NINJ2: variants seen among roughly 807,000 people sequenced by gnomAD.
NINJ2 encodes the protein ninjurin 2.
NINJ2 carries 12 observed loss-of-function variants against 11.7 expected under a neutral mutation model. That is an observed-to-expected ratio of 1.02 (90% confidence interval 0.66 to 1.66). The LOEUF (loss-of-function observed/expected upper bound fraction) is 1.66. Ranked by LOEUF, NINJ2 falls within the 40% of genes most tolerant of loss-of-function variation. NINJ2 has a pLI of 0.00. For synonymous variants in NINJ2, 93 were observed against 76.8 expected, an observed-to-expected ratio of 1.21 and a Z score of -1.10; for missense variants, 187 against 181.8, an observed-to-expected ratio of 1.03 and a Z score of -0.16.
At chr12:572,032 C>T (rs1164634841) in intron 1 of NINJ2, among the ~76,000 whole-genome samples, 2 of 152,228 alleles carry the variant, frequency 1.3e-5, no homozygotes, top group Non-Finnish European at 1.5e-5. Flanking sequence ...ACCAAAGGCA[C>T]CTTGACCACA....
chr12:593,852 A>G (rs542000420), intron 1 of NINJ2, among the ~76,000 whole-genome samples: 40 of 152,286 alleles, frequency 2.6e-4, no homozygotes, highest in African/African-American at 8.4e-4. Context: ...AGCATCACCA[A>G]CTTATCAGGG....
intron 1 of NINJ2, among the ~76,000 whole-genome samples, chr12:622,715 C>T (rs1421515472): frequency 1.3e-5 from 2 of 152,058 alleles, no homozygotes; most frequent in South Asian, 4.2e-4. Context: ...CAGACCCTTT[C>T]AGAATCTGAT....
intron 1 of NINJ2, among the ~76,000 whole-genome samples, chr12:604,409 G>A (rs895652485): frequency 2.0e-5 from 3 of 152,000 alleles, no homozygotes; most frequent in East Asian, 1.9e-4. Context: ...AGGCTGAGGC[G>A]GGCGGATCAC....
intron 1 of NINJ2, among the ~76,000 whole-genome samples, chr12:579,006 C>A (rs1358953376): frequency 1.3e-5 from 2 of 152,158 alleles, no homozygotes; most frequent in African/African-American, 4.8e-5. Flanking sequence ...AGACAGGAAA[C>A]CTAAACACGG....
intron 1 of NINJ2, among the ~76,000 whole-genome samples, chr12:635,927 A>T (rs1199996730): frequency 1.3e-5 from 2 of 152,108 alleles, no homozygotes; most frequent in Non-Finnish European, 1.5e-5. Context: ...ACACAAAAAA[A>T]TTAGCCGAGC....
intron 1 of NINJ2, among the ~76,000 whole-genome samples, chr12:600,265 G>T (rs1426803590): frequency 1.3e-5 from 2 of 152,116 alleles, no homozygotes; most frequent in African/African-American, 4.8e-5. Flanking sequence ...TTTACAAAAT[G>T]GGTGGGGGCC....
At chr12:601,939 A>G (rs1947880032) in intron 1 of NINJ2, among the ~76,000 whole-genome samples, 2 of 152,234 alleles carry the variant, frequency 1.3e-5, no homozygotes, top group South Asian at 4.1e-4. Flanking sequence ...AGTCTGACCC[A>G]GTTTATTATC....
intron 1 of NINJ2, among the ~76,000 whole-genome samples, chr12:620,353 G>A (rs1056865926): frequency 6.8e-6 from 1 of 147,674 alleles, no homozygotes. Context: ...CCCGCTTTGC[G>A]GGAAGGGGAG....
chr12:639,309 A>G (rs1445367310), intron 1 of NINJ2, among the ~76,000 whole-genome samples: 2 of 152,164 alleles, frequency 1.3e-5, no homozygotes, highest in African/African-American at 2.4e-5. Context: ...AGTGCTTTAC[A>G]TGAATTAACT....
intron 1 of NINJ2, among the ~76,000 whole-genome samples, chr12:605,611 C>G (rs1947932544): frequency 6.6e-6 from 1 of 152,200 alleles, no homozygotes. Context: ...ACACTGACAT[C>G]TGGAGTCCAC....
intron 1 of NINJ2, among the ~76,000 whole-genome samples, chr12:656,100 C>T (rs1011532182): frequency 8.6e-5 from 13 of 152,006 alleles, no homozygotes; most frequent in African/African-American, 1.4e-4. Flanking sequence ...CGTAGTGGCT[C>T]GCGCCTGTAA....
At chr12:659,089 ATG>A (rs1158422231) in intron 1 of NINJ2, among the ~76,000 whole-genome samples, 4 of 145,610 alleles carry the variant, frequency 2.7e-5, no homozygotes, top group Non-Finnish European at 3.0e-5. Flanking sequence ...ATATATATAT[ATG>A]TCTTTAAAAA....
rs778332084 is a variant in NINJ2, at chr12:585,173, C to T, written c.34-18995G>A. 4.6e-5 allele frequency among the ~76,000 whole-genome samples: 7 copies of T among 152,240 alleles called. No homozygotes were observed. The highest frequency in any genetic ancestry group is 7.3e-5 in the Non-Finnish European group (5 of 68,046). On this transcript the variant is annotated intron_variant, in intron 1 of 3. Coordinates refer to ENST00000305108, the MANE Select transcript of NINJ2 (RefSeq NM_016533.6). The surrounding 1 kb of genome is among the most constrained non-coding windows in gnomAD (Gnocchi z 4.1). ...CTTTTCGCTAAGGCTGCATTTCCACCGCCATGAAATGGAGGCTGTCTCTGC... is the reference window on the plus strand; with the variant it reads ...CTTTTCGCTAAGGCTGCATTTCCACTGCCATGAAATGGAGGCTGTCTCTGC...
At chr12:611,044 A>G (rs553385971) in intron 1 of NINJ2, among the ~76,000 whole-genome samples, 3 of 152,152 alleles carry the variant, frequency 2.0e-5, no homozygotes, top group African/African-American at 4.8e-5. Context: ...CTGGACATCT[A>G]TTCTTTAAAG....
chr12:589,839 AG>A (rs1415969219), intron 1 of NINJ2, among the ~76,000 whole-genome samples: 1 of 149,314 alleles, frequency 6.7e-6, no homozygotes, highest in South Asian at 2.2e-4. Context: ...TGGTAAATTT[AG>A]GGGGGGATTG....
intron 1 of NINJ2, among the ~76,000 whole-genome samples, chr12:598,285 G>C (rs536848915): frequency 6.6e-6 from 1 of 152,348 alleles, no homozygotes; most frequent in East Asian, 1.9e-4. Flanking sequence ...GGGCACCGAG[G>C]GGGTAAGTGC....
In NINJ2 at chr12:580,840, ATG is replaced by A. The variant is rs1947540023; in HGVS notation, c.34-14664_34-14663del. On this transcript the variant is annotated intron_variant, in intron 1 of 3. Coordinates refer to ENST00000305108, the MANE Select transcript of NINJ2 (RefSeq NM_016533.6). The surrounding 1 kb of genome is among the most constrained non-coding windows in gnomAD (Gnocchi z 4.7). ...TATGCGTGTGTGTCTGTGTGTATGC[ATG>A]TGTGTCTGTGTGTGCATGAGTGTCT... is the stretch of plus-strand genomic sequence containing the variant. Among the ~76,000 whole-genome samples, 1 of 147,408 alleles carries A rather than the reference ATG, an allele frequency of 6.8e-6. No individual in the cohort carries two copies. Among genetic ancestry groups the A allele is most frequent in the African/African-American group, 2.5e-5 (1 of 39,472 alleles).
intron 1 of NINJ2, among the ~76,000 whole-genome samples, chr12:568,152 A>G (rs1947327503): frequency 6.6e-6 from 1 of 152,230 alleles, no homozygotes; most frequent in Non-Finnish European, 1.5e-5. Flanking sequence ...TTTTTATTGG[A>G]CTAATTATAT....
At chr12:610,607 G>GAGGGGGTTACCAGGC in intron 1 of NINJ2, 1 of 985,424 alleles carries the variant, frequency 1.0e-6, no homozygotes, top group Non-Finnish European at 1.2e-6. Context: ...CCAGCCACAG[G>GAGGGGGTTACCAGGC]AGGGGGTTAC....
Sources: gnomAD v4.1 joint callset for allele counts (sites outside exome capture counted in the v4.1 genomes callset) on GRCh38, gnomAD v4.1.1 for gene constraint, Gnocchi (gnomAD v3.1) non-coding constraint, MANE v1.5 for transcripts, NCBI Gene and HGNC (gene_info 2026-07-23, HGNC 2026-07-21) for gene names.